The following NLGN1 variants were observed in gnomAD, a reference collection of about 807,000 sequenced individuals.
NLGN1 encodes neuroligin-1.
A neutral mutation model predicts 65.5 loss-of-function variants in NLGN1; 12 were observed. That is an observed-to-expected ratio of 0.18 (90% CI 0.12 to 0.30). The LOEUF is 0.30. Among genes scored for constraint, NLGN1 ranks in the 10% least tolerant of loss-of-function variants. The pLI is 1.00. For missense variants in NLGN1, 750 were observed against 1,007.1 expected (o/e 0.74, Z 3.46); for synonymous variants, 350 against 359.5 (o/e 0.97, Z 0.30).
chr3:174,146,364 A>G (rs1723272171), intron 4 of NLGN1, among the ~76,000 whole-genome samples: 2 of 152,192 alleles, frequency 1.3e-5, no homozygotes, highest in Admixed American at 1.3e-4. Context: ...TAAAATGAAA[A>G]TAGCAATAGC....
At chr3:173,872,567 A>T (rs1162319622) in intron 4 of NLGN1, among the ~76,000 whole-genome samples, 1 of 152,162 alleles carries the variant, frequency 6.6e-6, no homozygotes, top group Non-Finnish European at 1.5e-5. Context: ...GTCTTTGTGC[A>T]TGCAAATGCC....
At chr3:173,426,500 T>C (rs540745875) in intron 1 of NLGN1, among the ~76,000 whole-genome samples, 1 of 152,218 alleles carries the variant, frequency 6.6e-6, no homozygotes, top group South Asian at 2.1e-4. Flanking sequence ...TTTTGGGGTA[T>C]GTTTTTTTCT....
intron 4 of NLGN1, among the ~76,000 whole-genome samples, chr3:174,060,706 T>C (rs558432889): frequency 2.5e-4 from 38 of 152,082 alleles, no homozygotes; most frequent in Non-Finnish European, 4.7e-4. Flanking sequence ...CCTCAACTTA[T>C]GTTACAATGA....
intron 2 of NLGN1, among the ~76,000 whole-genome samples, chr3:173,537,601 C>G (rs1235827561): frequency 6.6e-6 from 1 of 152,086 alleles, no homozygotes; most frequent in Non-Finnish European, 1.5e-5. Flanking sequence ...ATAGTTGTAG[C>G]TGGTATTTAT....
chr3:174,206,526 C>A (rs1021081980), intron 4 of NLGN1, among the ~76,000 whole-genome samples: 4 of 152,320 alleles, frequency 2.6e-5, no homozygotes, highest in African/African-American at 9.6e-5. Context: ...CCAGCCAAGA[C>A]AAGGAAAGAG....
At chr3:173,551,830 G>A (rs774558712) in intron 2 of NLGN1, among the ~76,000 whole-genome samples, 7 of 152,102 alleles carry the variant, frequency 4.6e-5, no homozygotes, top group Non-Finnish European at 1.0e-4. Context: ...GGTAACTATT[G>A]TACCTACTTC....
At chr3:173,703,009 C>T (rs1767485670) in intron 3 of NLGN1, among the ~76,000 whole-genome samples, 1 of 151,704 alleles carries the variant, frequency 6.6e-6, no homozygotes, top group African/African-American at 2.4e-5. Flanking sequence ...ATGCTAATGG[C>T]AAAGATAGTG....
chr3:173,818,909 T>TTTTTTTTTTTTTTTC (rs1483015731), intron 4 of NLGN1, among the ~76,000 whole-genome samples: 2 of 147,418 alleles, frequency 1.4e-5, no homozygotes, highest in Non-Finnish European at 3.0e-5. Flanking sequence ...TTTTTTTTTT[T>TTTTTTTTTTTTTTTC]TTCCAGTAAG....
intron 4 of NLGN1, among the ~76,000 whole-genome samples, chr3:173,948,100 A>C (rs1747522914): frequency 6.6e-6 from 1 of 152,254 alleles, no homozygotes; most frequent in South Asian, 2.1e-4. Flanking sequence ...GAGACAGCAC[A>C]GAGGTGTAGC....
intron 3 of NLGN1, among the ~76,000 whole-genome samples, chr3:173,729,735 A>G (rs538484666): frequency 6.6e-6 from 1 of 152,196 alleles, no homozygotes; most frequent in African/African-American, 2.4e-5. Context: ...TTATAGTTGT[A>G]TATATTAAAG....
At chr3:173,717,822 C>T (rs113349626) in intron 3 of NLGN1, among the ~76,000 whole-genome samples, 2,291 of 151,742 alleles carry the variant, frequency 0.015, 66 homozygotes, top group African/African-American at 0.053. Context: ...TCTCACGTAC[C>T]CCATAAATAT....
intron 4 of NLGN1, among the ~76,000 whole-genome samples, chr3:174,006,137 T>C (rs1259304378): frequency 6.6e-6 from 1 of 152,126 alleles, no homozygotes. Flanking sequence ...CTCTGCCCCA[T>C]AAATAGTTAT....
At chr3:174,030,563 T>A (rs1004186165) in intron 4 of NLGN1, among the ~76,000 whole-genome samples, 2 of 152,346 alleles carry the variant, frequency 1.3e-5, no homozygotes, top group Admixed American at 1.3e-4. Flanking sequence ...CATATTGTGA[T>A]TCTTAATTTC....
At chr3:173,882,380 C>A (rs2150933965) in intron 4 of NLGN1, among the ~76,000 whole-genome samples, 1 of 152,272 alleles carries the variant, frequency 6.6e-6, no homozygotes, top group African/African-American at 2.4e-5. Flanking sequence ...TCATTGACTT[C>A]TATTTAGATA....
intron 2 of NLGN1, among the ~76,000 whole-genome samples, chr3:173,512,560 T>G (rs1025625545): frequency 2.0e-4 from 30 of 152,146 alleles, no homozygotes; most frequent in Admixed American, 1.6e-3. Context: ...AGGCACAGGA[T>G]GGGGACAAGG....
At chr3:173,545,634 A>G (rs1475146890) in intron 2 of NLGN1, among the ~76,000 whole-genome samples, 1 of 152,186 alleles carries the variant, frequency 6.6e-6, no homozygotes, top group Non-Finnish European at 1.5e-5. Flanking sequence ...ATATAAAGAC[A>G]CTTGCACATG....
chr3:174,145,622 C>T (rs1723085948), intron 4 of NLGN1, among the ~76,000 whole-genome samples: 4 of 152,188 alleles, frequency 2.6e-5, no homozygotes, highest in African/African-American at 7.2e-5. Flanking sequence ...TCATTCTTGT[C>T]TTTGACATTG....
intron 3 of NLGN1, among the ~76,000 whole-genome samples, chr3:173,623,048 TGAA>T (rs1031841941): frequency 2.0e-5 from 3 of 152,128 alleles, no homozygotes; most frequent in Non-Finnish European, 2.9e-5. Context: ...TTCAGCTGAA[TGAA>T]GAACTAGGCT....
At chr3:173,446,925 T>G (rs1304531614) in intron 2 of NLGN1, among the ~76,000 whole-genome samples, 1 of 152,242 alleles carries the variant, frequency 6.6e-6, no homozygotes, top group African/African-American at 2.4e-5. Context: ...GTTTTTTTCT[T>G]GTAAATTTGT....
Sources: gnomAD v4.1 joint callset for allele counts (sites outside exome capture counted in the v4.1 genomes callset) on GRCh38, gnomAD v4.1.1 for gene constraint, MANE v1.5 for transcripts, NCBI Gene and HGNC (gene_info 2026-07-23, HGNC 2026-07-21) for gene names.